Variants in CACNA2D1 observed in about 807,000 individuals in gnomAD.
CACNA2D1 encodes voltage-dependent calcium channel subunit alpha-2/delta-1.
A neutral mutation model predicts 171.5 loss-of-function variants in CACNA2D1; 53 were observed. The ratio of observed to expected loss-of-function variants is 0.31; its 90% CI spans 0.25 to 0.39. CACNA2D1 has a LOEUF of 0.39. CACNA2D1 is among the 10% of genes least tolerant of loss of function. The pLI, the probability that CACNA2D1 is intolerant of heterozygous loss-of-function variation, is 1.00. For synonymous variants in CACNA2D1, 442 were observed against 443.1 expected (o/e 1.00, Z 0.03); for missense variants, 903 against 1,299.8 (o/e 0.69, Z 4.69).
intron 3 of CACNA2D1, among the ~76,000 whole-genome samples, chr7:82,247,261 G>C (rs552373580): frequency 1.3e-4 from 20 of 152,276 alleles, no homozygotes; most frequent in African/African-American, 4.8e-4. Flanking sequence ...TGTAATCCCA[G>C]CACTTTGGGA....
At chr7:82,081,358 C>G (rs540226118) in intron 7 of CACNA2D1, among the ~76,000 whole-genome samples, 1 of 152,216 alleles carries the variant, frequency 6.6e-6, no homozygotes, top group Non-Finnish European at 1.5e-5. Flanking sequence ...CACAGTCTTA[C>G]AAAAACAGAA....
intron 3 of CACNA2D1, among the ~76,000 whole-genome samples, chr7:82,316,078 A>G (rs1815084398): frequency 6.6e-6 from 1 of 152,142 alleles, no homozygotes; most frequent in African/African-American, 2.4e-5. Context: ...TTGACAAATG[A>G]TAAGTTTGCT....
At chr7:82,227,690 A>G (rs1430760911) in intron 3 of CACNA2D1, among the ~76,000 whole-genome samples, 2 of 152,186 alleles carry the variant, frequency 1.3e-5, no homozygotes, top group African/African-American at 2.4e-5. Flanking sequence ...TTCCAGGTTC[A>G]TAAACCATTG....
intron 6 of CACNA2D1, among the ~76,000 whole-genome samples, chr7:82,112,382 C>G (rs967267954): frequency 1.3e-5 from 2 of 152,168 alleles, no homozygotes; most frequent in African/African-American, 4.8e-5. Flanking sequence ...AGTTTCCCCT[C>G]TTACAAAATA....
At chr7:81,958,853 A>G (rs1793750465) in intron 38 of CACNA2D1, among the ~76,000 whole-genome samples, 1 of 151,984 alleles carries the variant, frequency 6.6e-6, no homozygotes, top group South Asian at 2.1e-4. Flanking sequence ...AGGTTTTTCA[A>G]TTCACACTAG....
At chr7:81,955,196 C>T (rs879897792) in intron 38 of CACNA2D1, among the ~76,000 whole-genome samples, 4 of 152,100 alleles carry the variant, frequency 2.6e-5, no homozygotes, top group Middle Eastern at 3.2e-3. Context: ...TTTGTATAAT[C>T]TATATCCTTC....
intron 3 of CACNA2D1, among the ~76,000 whole-genome samples, chr7:82,222,595 C>G (rs1801887618): frequency 6.6e-6 from 1 of 152,116 alleles, no homozygotes; most frequent in African/African-American, 2.4e-5. Flanking sequence ...TTCTCCTCTT[C>G]GAAGACTTCC....
At chr7:82,081,155 C>T (rs1454607219) in intron 7 of CACNA2D1, among the ~76,000 whole-genome samples, 2 of 152,080 alleles carry the variant, frequency 1.3e-5, no homozygotes, top group African/African-American at 4.8e-5. Context: ...TGTGCTGTTG[C>T]CATTTATTGT....
chr7:82,237,519 T>G (rs2129289310), intron 3 of CACNA2D1, among the ~76,000 whole-genome samples: 1 of 152,154 alleles, frequency 6.6e-6, no homozygotes, highest in African/African-American at 2.4e-5. Context: ...CAAACCTTAT[T>G]CGTTTAAGTA....
At chr7:82,329,710 A>G (rs946900672) in intron 3 of CACNA2D1, among the ~76,000 whole-genome samples, 2 of 152,188 alleles carry the variant, frequency 1.3e-5, no homozygotes, top group East Asian at 1.9e-4. Context: ...GAATAATCCA[A>G]TGATATTAGT....
At chr7:82,189,759 T>A (rs1798112877) in intron 3 of CACNA2D1, among the ~76,000 whole-genome samples, 1 of 151,578 alleles carries the variant, frequency 6.6e-6, no homozygotes, top group Non-Finnish European at 1.5e-5. Flanking sequence ...GACAAAAAAA[T>A]TTGTGTAAGA....
At chr7:82,376,343 A>G (rs1053042473) in intron 1 of CACNA2D1, among the ~76,000 whole-genome samples, 2 of 152,210 alleles carry the variant, frequency 1.3e-5, no homozygotes, top group East Asian at 3.9e-4. Context: ...AACAGCTGGG[A>G]ACCTGACAAT....
At chr7:82,376,967 T>C (rs570099593) in intron 1 of CACNA2D1, among the ~76,000 whole-genome samples, 1 of 152,212 alleles carries the variant, frequency 6.6e-6, no homozygotes, top group Non-Finnish European at 1.5e-5. Flanking sequence ...TATATACACA[T>C]GACACTGTAT....
chr7:82,001,960 T>C (rs1012025573), intron 18 of CACNA2D1, among the ~76,000 whole-genome samples: 2 of 137,128 alleles, frequency 1.5e-5, no homozygotes, highest in Admixed American at 8.0e-5. Flanking sequence ...TCTAGAAAAG[T>C]ACGTATTTGG....
At chr7:82,246,089 A>G (rs896419664) in intron 3 of CACNA2D1, among the ~76,000 whole-genome samples, 12 of 152,012 alleles carry the variant, frequency 7.9e-5, no homozygotes, top group African/African-American at 2.7e-4. Flanking sequence ...ACCAAAGAAT[A>G]TTCATTTATT....
chr7:82,410,933 T>G (rs1186954653), intron 1 of CACNA2D1, among the ~76,000 whole-genome samples: 1 of 152,252 alleles, frequency 6.6e-6, no homozygotes, highest in East Asian at 1.9e-4. Flanking sequence ...AGGATTACAT[T>G]CTAAAATAAG....
intron 38 of CACNA2D1, among the ~76,000 whole-genome samples, chr7:81,955,933 G>C (rs1248995359): frequency 8.2e-6 from 1 of 121,776 alleles, no homozygotes; most frequent in African/African-American, 3.0e-5. Flanking sequence ...GTGGTCTTAG[G>C]TTAAAAAGAT....
chr7:82,117,138 C>T lies in CACNA2D1; in HGVS notation c.432G>A (p.Arg144=). The T allele has an allele frequency of 4.3e-6, 7 of 1,613,806 alleles. No individual in the cohort carries two copies. The highest frequency in any genetic ancestry group is 5.9e-6 in the Non-Finnish European group (7 of 1,179,860). The part of the protein sequence containing the change: ...EKNDSEPGSQ[R]IKPVFIEDAN... ...CATCTTCAATGAAAACAGGTTTTAT[C>T]CTCTGGCTGCCTGGCTCACTGTCAT... The change falls in exon 6 of 39, where the codon AGG becomes AGA. Residue 144 remains arginine (R), a synonymous_variant. Transcript: ENST00000356860.
chr7:81,950,667 C>T (rs2129937309), intron 38 of CACNA2D1, among the ~76,000 whole-genome samples, 159 bp from the exon 39 acceptor site: 1 of 152,028 alleles, frequency 6.6e-6, no homozygotes, highest in African/African-American at 2.4e-5. Flanking sequence ...TTACTTTCTC[C>T]TAGATTTTAT....
Sources: gnomAD v4.1 joint callset for allele counts (sites outside exome capture counted in the v4.1 genomes callset) on GRCh38, gnomAD v4.1.1 for gene constraint, MANE v1.5 for transcripts, NCBI Gene and HGNC (gene_info 2026-07-23, HGNC 2026-07-21) for gene names.